The following CREB1 variants were observed in gnomAD, a reference collection of about 807,000 sequenced individuals.
The protein encoded by CREB1 is cyclic AMP-responsive element-binding protein 1.
A neutral mutation model predicts 42.0 loss-of-function variants in CREB1; 2 were observed. That is an observed-to-expected ratio of 0.05 (90% CI 0.02 to 0.15). CREB1 has a LOEUF of 0.15. CREB1 is among the 10% of genes least tolerant of loss of function. The pLI is 1.00. For missense variants in CREB1, 199 were observed against 388.9 expected (o/e 0.51, Z 4.11); for synonymous variants, 123 against 139.9 (o/e 0.88, Z 0.85).
At position 207,535,992 on chromosome 2, in the gene CREB1, T is replaced by C. The variant is rs551606336; in HGVS notation, c.-9+5858T>C. Among the ~76,000 whole-genome samples the C allele has an allele frequency of 5.2e-3, 793 of 151,974 alleles. 5 individuals carry two copies. Among genetic ancestry groups the C allele is most frequent in the South Asian group, 8.9e-3 (43 of 4,824 alleles). ...CGCACCACCAGGCCCGGCTAATTTT[T>C]TGTAGAGACAGAGTTTCGCCATGTT... On this transcript the variant is annotated intron_variant, in intron 1 of 7. Transcript: ENST00000353267.
chr2:207,578,347 C>G (rs372394434), intron 7 of CREB1, among the ~76,000 whole-genome samples: 2 of 151,708 alleles, frequency 1.3e-5, no homozygotes, highest in East Asian at 1.9e-4. Flanking sequence ...TAGAAGTGAC[C>G]GAGACAAACA....
Position 207,600,518 on chromosome 2 carries a change from C to T in CREB1, c.*3460C>T. 4.8e-6 allele frequency: 1 copy of T among 207,218 alleles called. No homozygotes were observed. The highest frequency in any genetic ancestry group is 9.8e-6 in the Non-Finnish European group (1 of 101,532). 12.8% of individuals were successfully genotyped at this position (207,218 alleles called of 1,614,324 possible). A position where few individuals can be genotyped will look rare whatever the true frequency, so the allele number is the denominator to read the frequency against. ...TACTAGTCACTTGAAAGCCTCTCCC[C>T]CAAAAGTATTTGGTTTGTATGCTTT... is the stretch of plus-strand genomic sequence containing the variant. On this transcript the variant is annotated 3_prime_UTR_variant, in exon 8 of 8. Coordinates refer to ENST00000353267, the MANE Select transcript of CREB1 (RefSeq NM_004379.5).
Position 207,604,681 on chromosome 2 carries a change from C to G in CREB1, c.*7623C>G, listed in dbSNP as rs556522066. Among the ~76,000 whole-genome samples the G allele has an allele frequency of 3.9e-5, 6 of 152,304 alleles. No individual in the cohort carries two copies. In the South Asian group the frequency reaches 1.2e-3, roughly 32 times the overall value. On this transcript the variant is annotated 3_prime_UTR_variant, in exon 8 of 8. Coordinates refer to ENST00000353267, the MANE Select transcript of CREB1 (RefSeq NM_004379.5). Reference sequence around the variant, plus strand: ...CCACAATGGTGTACAACCACCACTTCTATCTAGCTCCAAAACATTCTCATC... The same window carrying G: ...CCACAATGGTGTACAACCACCACTTGTATCTAGCTCCAAAACATTCTCATC...
In CREB1 at chr2:207,600,987, GTC is replaced by G. The variant is rs10559988; in HGVS notation, c.*3933_*3934del. The stretch of plus-strand genomic sequence containing the variant: ...CACAGTCAGCTATTACCATAAATTG[GTC>G]TCTGTTTATTTTGAAGATCACGGCT... On this transcript the variant is annotated 3_prime_UTR_variant, in exon 8 of 8. Transcript: ENST00000353267. 0.82 allele frequency: 159,387 copies of G among 193,928 alleles called. 65,834 individuals carry two copies. Among genetic ancestry groups the G allele is most frequent in the East Asian group, 0.98 (12,005 of 12,216 alleles). 12.0% of individuals were successfully genotyped at this position (193,928 alleles called of 1,614,324 possible). A position where few individuals can be genotyped will look rare whatever the true frequency, so the allele number is the denominator to read the frequency against.
chr2:207,554,969 T>G (rs928269541), intron 1 of CREB1, among the ~76,000 whole-genome samples: 3 of 152,168 alleles, frequency 2.0e-5, no homozygotes, highest in Non-Finnish European at 4.4e-5. Flanking sequence ...CTCCAGAGGC[T>G]GAGGCGGGAG....
chr2:207,573,341 T>C (rs1291957329), intron 5 of CREB1, among the ~76,000 whole-genome samples: 1 of 152,222 alleles, frequency 6.6e-6, no homozygotes, highest in Non-Finnish European at 1.5e-5. Context: ...TTCCAAAGTA[T>C]TTTCATATAC....
At chr2:207,554,268 C>T (rs943752530) in intron 1 of CREB1, among the ~76,000 whole-genome samples, 69 of 152,106 alleles carry the variant, frequency 4.5e-4, no homozygotes, top group African/African-American at 1.4e-3. Context: ...TTGTAAAACA[C>T]TTTCTTTTTA....
At position 207,550,799 on chromosome 2, in the gene CREB1, A is replaced by G. The variant is rs190969458; in HGVS notation, c.-8-4829A>G. 1.3e-4 allele frequency among the ~76,000 whole-genome samples: 20 copies of G among 152,268 alleles called. No individual in the cohort carries two copies. The East Asian group carries it at 3.1e-3, about 23-fold the overall frequency. ...TCTTGAGTAGATGAATTTAAATGCT[A>G]CTTTATTAGTAAGAGTTAGATGGTC... is the stretch of plus-strand genomic sequence containing the variant. On this transcript the variant is annotated intron_variant, in intron 1 of 7. Transcript: ENST00000353267.
chr2:207,583,534 C>T (rs919952192), intron 7 of CREB1, among the ~76,000 whole-genome samples: 1 of 152,136 alleles, frequency 6.6e-6, no homozygotes, highest in African/African-American at 2.4e-5. Context: ...TAGTATTTAG[C>T]AAAAGTGCTG....
chr2:207,531,571 G>A (rs745655459), intron 1 of CREB1, among the ~76,000 whole-genome samples: 95 of 152,304 alleles, frequency 6.2e-4, no homozygotes, highest in Non-Finnish European at 9.8e-4. Flanking sequence ...CTCAGCTGGC[G>A]TCTAACTTCT....
chr2:207,562,881 A>G (rs1056560864), intron 3 of CREB1, among the ~76,000 whole-genome samples: 26 of 152,236 alleles, frequency 1.7e-4, no homozygotes, highest in Admixed American at 1.1e-3. Context: ...TCCTACAACA[A>G]ATGTTTATTG....
At chr2:207,569,218 C>T (rs2082257240) in intron 4 of CREB1, among the ~76,000 whole-genome samples, 1 of 152,100 alleles carries the variant, frequency 6.6e-6, no homozygotes, top group Non-Finnish European at 1.5e-5. Context: ...CAGTATTTTG[C>T]AGTTACAAAC....
In CREB1 at chr2:207,603,224, A is replaced by G. The variant is rs979063593; in HGVS notation, c.*6166A>G. On this transcript the variant is annotated 3_prime_UTR_variant, in exon 8 of 8. Transcript: ENST00000353267. ...AAAGAAAAAAATGTACTGAGTTACA[A>G]TGCATTTTATTAACACTATGTACAT... is the stretch of plus-strand genomic sequence containing the variant. 2 of 218,458 alleles carry G rather than the reference A, an allele frequency of 9.2e-6. No homozygotes were observed. The highest frequency in any genetic ancestry group is 1.8e-5 in the Non-Finnish European group (2 of 108,832). The allele number at this position is 218,458 out of a possible 1,614,324, so 13.5% of individuals were successfully genotyped here. A position where few individuals can be genotyped will look rare whatever the true frequency, so the allele number is the denominator to read the frequency against.
intron 2 of CREB1, 97 bp from the exon 3 acceptor site, chr2:207,560,129 G>T (rs2106479884): frequency 3.6e-6 from 4 of 1,106,168 alleles, no homozygotes; most frequent in South Asian, 5.2e-5. Context: ...TAGCAAAAAG[G>T]TCACGTTTTT....
At chr2:207,588,893 G>T (rs2084425628) in intron 7 of CREB1, among the ~76,000 whole-genome samples, 1 of 144,236 alleles carries the variant, frequency 6.9e-6, no homozygotes, top group African/African-American at 2.6e-5. Flanking sequence ...CTTTGTCGGG[G>T]GGGGTGTAGA....
intron 4 of CREB1, among the ~76,000 whole-genome samples, chr2:207,569,509 CT>C (rs2082269334): frequency 6.6e-6 from 1 of 151,774 alleles, no homozygotes; most frequent in Admixed American, 6.6e-5. Flanking sequence ...AGGTTTTGAT[CT>C]TTTTTCCCTT....
At chr2:207,556,521 C>A (rs550868778) in intron 2 of CREB1, among the ~76,000 whole-genome samples, 1 of 152,234 alleles carries the variant, frequency 6.6e-6, no homozygotes, top group African/African-American at 2.4e-5. Context: ...TTTAAAAGTT[C>A]CTAGAGAAGT....
At chr2:207,545,725 A>C (rs1194821946) in intron 1 of CREB1, among the ~76,000 whole-genome samples, 4 of 137,416 alleles carry the variant, frequency 2.9e-5, no homozygotes, top group African/African-American at 1.1e-4. Flanking sequence ...GATTAAAGGA[A>C]GTGAACTTTT....
At chr2:207,570,414 A>G in intron 5 of CREB1, 93 bp downstream of exon 5, 1 of 1,239,390 alleles carries the variant, frequency 8.1e-7, no homozygotes, top group South Asian at 1.6e-5. Flanking sequence ...AACCAATACA[A>G]GTGCCAAGTC....
Sources: allele counts gnomAD v4.1 joint callset (sites outside exome capture counted in the v4.1 genomes callset), GRCh38; gene constraint gnomAD v4.1.1; transcripts MANE v1.5; gene names NCBI Gene and HGNC (gene_info 2026-07-23, HGNC 2026-07-21).